CNNM1: variants seen among roughly 807,000 people sequenced by gnomAD.
CNNM1 encodes the protein cyclin and CBS domain divalent metal cation transport mediator 1, also known as metal transporter CNNM1.
A neutral mutation model predicts 78.8 loss-of-function variants in CNNM1; 44 were observed. The observed-to-expected ratio is 0.56, with a 90% confidence interval of 0.44 to 0.72. The LOEUF (loss-of-function observed/expected upper bound fraction) is 0.72. Among genes scored for constraint, CNNM1 ranks in the 30% least tolerant of loss-of-function variants. CNNM1 has a pLI of 0.00. For missense variants in CNNM1, 1,101 were observed against 1,292.2 expected (o/e 0.85, Z 2.27); for synonymous variants, 584 against 581.5 (o/e 1.00, Z -0.06).
At chr10:99,372,359 C>T (rs2031829755) in intron 6 of CNNM1, among the ~76,000 whole-genome samples, 2 of 152,184 alleles carry the variant, frequency 1.3e-5, no homozygotes, top group African/African-American at 4.8e-5. Context: ...GAGCAGAAAA[C>T]CCTGCTCCCC....
chr10:99,361,404 G>A (rs1337963450), intron 3 of CNNM1, among the ~76,000 whole-genome samples: 2 of 152,188 alleles, frequency 1.3e-5, no homozygotes, highest in African/African-American at 2.4e-5. Context: ...AAAAAAGTGA[G>A]AAAATCCAAA....
At position 99,329,456 on chromosome 10, in the gene CNNM1, T is replaced by C. The variant is rs2134005248; in HGVS notation, c.69T>C (p.Ala23=). ...TCCGGGACTGCTGCAGCCGAGGCGC[T>C]GTGCTCCTGCTCTTCTTTTCCCTGT... is the stretch of plus-strand genomic sequence containing the variant. The part of the protein sequence containing the change: ...VRLRDCCSRG[A]VLLLFFSLSP... The change falls in exon 1 of 11, where the codon GCT becomes GCC. Residue 23 remains alanine (A), a synonymous_variant. Coordinates refer to ENST00000356713, the MANE Select transcript of CNNM1 (RefSeq NM_020348.3). 12 of 1,382,888 alleles carry C rather than the reference T, an allele frequency of 8.7e-6. No individual in the cohort carries two copies. Among genetic ancestry groups the C allele is most frequent in the Non-Finnish European group, 1.2e-5 (12 of 1,023,972 alleles). The allele number at this position is 1,382,888 out of a possible 1,614,324, so 85.7% of individuals were successfully genotyped here. A position where few individuals can be genotyped will look rare whatever the true frequency, so the allele number is the denominator to read the frequency against.
At position 99,329,878 on chromosome 10, in the gene CNNM1, T is replaced by A; in HGVS notation, c.491T>A (p.Val164Glu). ...VAGSALVQVR[V>E]RELRKGEAER... ...GGCTCGGCCCTGGTCCAGGTGCGAG[T>A]GCGGGAGCTGCGCAAGGGCGAAGCG... is the stretch of plus-strand genomic sequence containing the variant. The change falls in exon 1 of 11, where the codon GTG (valine) becomes GAG (glutamate). Residue 164 changes from valine (V) to glutamate (E), a missense_variant. Val to Glu is a moderately radical substitution (Grantham distance 121). Around this residue, in one of 3 missense-constraint regions of CNNM1, gnomAD observed 476 missense variants for 484.5 expected, o/e 0.98. Transcript: ENST00000356713. 2.9e-6 allele frequency: 4 copies of A among 1,393,148 alleles called. No individual in the cohort carries two copies. Among genetic ancestry groups the A allele is most frequent in the Non-Finnish European group, 3.7e-6 (4 of 1,081,082 alleles). The allele number at this position is 1,393,148 out of a possible 1,614,324, so 86.3% of individuals were successfully genotyped here. A position where few individuals can be genotyped will look rare whatever the true frequency, so the allele number is the denominator to read the frequency against.
At position 99,377,051 on chromosome 10, in the gene CNNM1, G is replaced by T. The variant is rs1204026694; in HGVS notation, c.2177-4G>T. Reference sequence around the variant, plus strand: ...GTCTTTTCTCCATCTCTCACCATCTGCAGTAAACCGGTCCCCTTCTCGCTG... The same window carrying T: ...GTCTTTTCTCCATCTCTCACCATCTTCAGTAAACCGGTCCCCTTCTCGCTG... On this transcript the variant is annotated splice_region_variant and splice_polypyrimidine_tract_variant and intron_variant, in intron 6 of 10. Coordinates refer to ENST00000356713, the MANE Select transcript of CNNM1 (RefSeq NM_020348.3). 2 of 1,517,292 alleles carry T rather than the reference G, an allele frequency of 1.3e-6. No individual in the cohort carries two copies. Among genetic ancestry groups the T allele is most frequent in the Non-Finnish European group, 1.8e-6 (2 of 1,126,894 alleles). The allele number at this position is 1,517,292 out of a possible 1,614,324, so 94.0% of individuals were successfully genotyped here. A position where few individuals can be genotyped will look rare whatever the true frequency, so the allele number is the denominator to read the frequency against.
intron 9 of CNNM1, among the ~76,000 whole-genome samples, chr10:99,388,624 C>G (rs2032380126): frequency 6.6e-6 from 1 of 152,054 alleles, no homozygotes; most frequent in Non-Finnish European, 1.5e-5. Context: ...TTTTTTTTAT[C>G]TGAATGGATA....
In CNNM1 at chr10:99,360,922, G is replaced by T; in HGVS notation, c.1805G>T (p.Arg602Leu). 2 of 1,612,984 alleles carry T rather than the reference G, an allele frequency of 1.2e-6. No homozygotes were observed. Among genetic ancestry groups the T allele is most frequent in the Middle Eastern group, 1.7e-4 (1 of 6,054 alleles). The change falls in exon 3 of 11, where the codon CGG becomes CTG. Residue 602 changes from arginine (R) to leucine (L), a missense_variant. By Grantham distance (102) the Arg-to-Leu change is moderately radical. This residue lies in a region of CNNM1 where 277 missense variants were observed against 423.2 expected (regional missense o/e 0.65). Coordinates refer to ENST00000356713, the MANE Select transcript of CNNM1 (RefSeq NM_020348.3). ...TTTAAGCTTTCGGACACGGAGATGC[G>T]GGTGAAGATCTCACCACAGCTTCTG... is the stretch of plus-strand genomic sequence containing the variant. ...SLFKLSDTEM[R>L]VKISPQLLLA...
In CNNM1 at chr10:99,381,418, A is replaced by G. The variant is rs866846591; in HGVS notation, c.2340+4200A>G. 9.5e-3 allele frequency among the ~76,000 whole-genome samples: 1,432 copies of G among 151,330 alleles called. 25 individuals are homozygous for G. The highest frequency in any genetic ancestry group is 0.032 in the African/African-American group (1,336 of 41,204). ...AGTGAGACTCTGTCTTCAAAAAAAAAAAAAAAAGGAAAAAAAAGAGTGTTA... is the reference window on the plus strand; with the variant it reads ...AGTGAGACTCTGTCTTCAAAAAAAAGAAAAAAAGGAAAAAAAAGAGTGTTA... On this transcript the variant is annotated intron_variant, in intron 7 of 10. Coordinates refer to ENST00000356713, the MANE Select transcript of CNNM1 (RefSeq NM_020348.3).
chr10:99,366,342 ACTC>A (rs1202733064), intron 6 of CNNM1, among the ~76,000 whole-genome samples: 2 of 151,964 alleles, frequency 1.3e-5, no homozygotes, highest in African/African-American at 2.4e-5. Flanking sequence ...ATTAGGGACT[ACTC>A]CTGGGATTCT....
At chr10:99,357,003 C>G (rs1474966886) in intron 1 of CNNM1, among the ~76,000 whole-genome samples, 2 of 152,184 alleles carry the variant, frequency 1.3e-5, no homozygotes, top group African/African-American at 2.4e-5. Context: ...GATCACACCT[C>G]TCCGTGGGAG....
At chr10:99,340,179 AT>A (rs1018198270) in intron 1 of CNNM1, among the ~76,000 whole-genome samples, 1 of 152,146 alleles carries the variant, frequency 6.6e-6, no homozygotes, top group African/African-American at 2.4e-5. Flanking sequence ...TCCTTTAAAC[AT>A]TTTCATTGTG....
chr10:99,380,621 T>C (rs1225594612), intron 7 of CNNM1, among the ~76,000 whole-genome samples: 1 of 151,852 alleles, frequency 6.6e-6, no homozygotes, highest in African/African-American at 2.4e-5. Flanking sequence ...CGAAACCCCG[T>C]TTCTACTAAA....
intron 1 of CNNM1, among the ~76,000 whole-genome samples, chr10:99,335,989 G>C (rs2030163301): frequency 6.6e-6 from 1 of 152,178 alleles, no homozygotes; most frequent in Non-Finnish European, 1.5e-5. Flanking sequence ...TACTTCCTTA[G>C]AGGCCTCTCT....
intron 1 of CNNM1, among the ~76,000 whole-genome samples, chr10:99,349,506 C>T (rs2030849405): frequency 1.3e-5 from 2 of 152,086 alleles, no homozygotes; most frequent in South Asian, 2.1e-4. Context: ...CCCAAGTGTG[C>T]GTAAGAATCA....
Position 99,393,550 on chromosome 10 carries a change from T to C in CNNM1, c.*2034T>C, listed in dbSNP as rs749214007. The stretch of plus-strand genomic sequence containing the variant: ...AAAAAAACACTACTATTTTAAATAG[T>C]GGAACTTTCAGCCCAGCGTTTCTGC... On this transcript the variant is annotated 3_prime_UTR_variant, in exon 11 of 11. Transcript: ENST00000356713. 1 of 152,624 alleles carries C rather than the reference T, an allele frequency of 6.6e-6. No individual in the cohort carries two copies. The highest frequency in any genetic ancestry group is 1.5e-5 in the Non-Finnish European group (1 of 68,046). 9.5% of individuals were successfully genotyped at this position (152,624 alleles called of 1,614,324 possible). A position where few individuals can be genotyped will look rare whatever the true frequency, so the allele number is the denominator to read the frequency against.
chr10:99,364,400 C>CTT lies in CNNM1; in HGVS notation c.2029-6_2029-5dup, dbSNP rs368559277. 202 of 1,243,230 alleles carry CTT rather than the reference C, an allele frequency of 1.6e-4. No homozygotes were observed. The highest frequency in any genetic ancestry group is 3.7e-4 in the Admixed American group (18 of 48,550). 77.0% of individuals were successfully genotyped at this position (1,243,230 alleles called of 1,614,324 possible). ...CTCATACACATTCATAGTACACTTCCTTTTTTTTTTTTCCAGGGTAAAGTG... is the reference window on the plus strand; with the variant it reads ...CTCATACACATTCATAGTACACTTCCTTTTTTTTTTTTTTCCAGGGTAAAGTG... On this transcript the variant is annotated splice_polypyrimidine_tract_variant and intron_variant, in intron 4 of 10. Coordinates refer to ENST00000356713, the MANE Select transcript of CNNM1 (RefSeq NM_020348.3).
intron 1 of CNNM1, 68 bp downstream of exon 1, chr10:99,331,028 G>T (rs1381935883): frequency 2.0e-6 from 3 of 1,467,038 alleles, no homozygotes; most frequent in African/African-American, 1.4e-5. Context: ...TCCTAACCAC[G>T]TGAGGCTCTA....
chr10:99,364,394 C>T, intron 4 of CNNM1, 23 bp from the exon 5 acceptor site: 8 of 1,547,492 alleles, frequency 5.2e-6, no homozygotes, highest in Admixed American at 1.8e-5. Flanking sequence ...ATTCATAGTA[C>T]ACTTCCTTTT....
rs1850563246 is a variant in CNNM1 at position 99,329,912 on chromosome 10, C to T, written c.525C>T (p.Gly175=). Reference sequence around the variant, plus strand: ...TGCGCAAGGGCGAAGCGGAGCGGGGCGGCGCGGGCGGTGGCGGGAAGCTCT... The same window carrying T: ...TGCGCAAGGGCGAAGCGGAGCGGGGTGGCGCGGGCGGTGGCGGGAAGCTCT... The part of the protein sequence containing the change: ...RELRKGEAER[G]GAGGGGKLFS... The change falls in exon 1 of 11, where the codon GGC becomes GGT. Residue 175 remains glycine (G), a synonymous_variant. Coordinates refer to ENST00000356713, the MANE Select transcript of CNNM1 (RefSeq NM_020348.3). 3.6e-6 allele frequency: 5 copies of T among 1,384,282 alleles called. No individual in the cohort carries two copies. Among genetic ancestry groups the T allele is most frequent in the Non-Finnish European group, 3.7e-6 (4 of 1,076,934 alleles). 85.7% of individuals were successfully genotyped at this position (1,384,282 alleles called of 1,614,324 possible). A position where few individuals can be genotyped will look rare whatever the true frequency, so the allele number is the denominator to read the frequency against.
chr10:99,359,786 T>C (rs572405871), intron 2 of CNNM1, among the ~76,000 whole-genome samples: 91 of 152,166 alleles, frequency 6.0e-4, no homozygotes, highest in Admixed American at 1.2e-3. Flanking sequence ...TGTTTCTCTT[T>C]AGGCGAAGTT....
Sources: gnomAD v4.1 joint callset for allele counts (sites outside exome capture counted in the v4.1 genomes callset) on GRCh38, gnomAD v4.1.1 for gene constraint, gnomAD v4.1.1 regional missense constraint, MANE v1.5 for transcripts, NCBI Gene and HGNC (gene_info 2026-07-23, HGNC 2026-07-21) for gene names.